SV2B: variants seen among roughly 807,000 people sequenced by gnomAD.
SV2B encodes solute carrier family 22 member B2.
A neutral mutation model predicts 73.9 loss-of-function variants in SV2B; 41 were observed. The ratio of observed to expected loss-of-function variants is 0.56; its 90% CI spans 0.43 to 0.72. SV2B has a LOEUF of 0.72. SV2B is among the 30% of genes least tolerant of loss of function. SV2B has a pLI of 0.00. For synonymous variants in SV2B, 314 were observed against 314.2 expected (o/e 1.00, Z 0.01); for missense variants, 764 against 857.8 (o/e 0.89, Z 1.37).
intron 1 of SV2B, among the ~76,000 whole-genome samples, chr15:91,211,007 G>T (rs1330795516): frequency 6.6e-6 from 1 of 152,224 alleles, no homozygotes; most frequent in Non-Finnish European, 1.5e-5. Flanking sequence ...TGCCATTGAT[G>T]AAGACAGTGA....
intron 1 of SV2B, among the ~76,000 whole-genome samples, chr15:91,119,650 G>A (rs2042271982): frequency 6.6e-6 from 1 of 152,300 alleles, no homozygotes; most frequent in Non-Finnish European, 1.5e-5. Flanking sequence ...AAATGATAAA[G>A]CTCTTCATTC....
intron 1 of SV2B, among the ~76,000 whole-genome samples, chr15:91,165,403 C>G (rs116597591): frequency 0.012 from 1,834 of 152,226 alleles, 40 homozygotes; most frequent in African/African-American, 0.042. Context: ...CTTGTCATTA[C>G]TCCCTAAACA....
intron 2 of SV2B, among the ~76,000 whole-genome samples, chr15:91,233,262 A>C (rs1021027358): frequency 3.3e-5 from 5 of 152,346 alleles, no homozygotes; most frequent in Admixed American, 1.3e-4. Context: ...ATAGGCAAGA[A>C]TCTGGGTGAC....
At chr15:91,103,407 T>G (rs562219433) in intron 1 of SV2B, among the ~76,000 whole-genome samples, 3 of 152,226 alleles carry the variant, frequency 2.0e-5, no homozygotes, top group Non-Finnish European at 4.4e-5. Context: ...TTGCTAGATA[T>G]TCTTTTTTCT....
chr15:91,246,903 T>C (rs1596678729), intron 2 of SV2B, among the ~76,000 whole-genome samples: 1 of 152,178 alleles, frequency 6.6e-6, no homozygotes, highest in Non-Finnish European at 1.5e-5. Flanking sequence ...TCTAACTAGT[T>C]CCTTATCTGC....
Position 91,252,137 on chromosome 15 carries a change from G to A in SV2B, c.632+138G>A. 1 of 1,266,696 alleles carries A rather than the reference G, an allele frequency of 7.9e-7. No individual in the cohort carries two copies. The highest frequency in any genetic ancestry group is 1.5e-5 in the South Asian group (1 of 65,398). The allele number at this position is 1,266,696 out of a possible 1,614,324, so 78.5% of individuals were successfully genotyped here. On this transcript the variant is annotated intron_variant, in intron 3 of 12. Coordinates refer to ENST00000394232, the MANE Select transcript of SV2B (RefSeq NM_001323032.3). This position sits in a 1 kb window ranked among gnomAD's most constrained non-coding sequence, Gnocchi z 4.6. ...TTGACTTTCAGGATACTATATTAAA[G>A]TTGAACCTTAGAAAGAGTTAGGGTT...
rs1188942772 is a variant in SV2B, at chr15:91,100,932, T to A, written c.-392+569T>A. On this transcript the variant is annotated intron_variant, in intron 1 of 12. Coordinates refer to ENST00000394232, the MANE Select transcript of SV2B (RefSeq NM_001323032.3). This position sits in a 1 kb window ranked among gnomAD's most constrained non-coding sequence, Gnocchi z 6.4. ...TTAGCGCAAGGGAAAGAAAATGACTTGTTTTGCAGGGATGGGCTAGCAAAT... is the reference window on the plus strand; with the variant it reads ...TTAGCGCAAGGGAAAGAAAATGACTAGTTTTGCAGGGATGGGCTAGCAAAT... 6.6e-6 allele frequency among the ~76,000 whole-genome samples: 1 copy of A among 152,122 alleles called. No homozygotes were observed. The highest frequency in any genetic ancestry group is 2.4e-5 in the African/African-American group (1 of 41,426).
At chr15:91,155,551 G>A (rs2043458695) in intron 1 of SV2B, among the ~76,000 whole-genome samples, 3 of 152,174 alleles carry the variant, frequency 2.0e-5, no homozygotes, top group Admixed American at 2.0e-4. Context: ...AGGACTTTCT[G>A]TCTGAGTCCA....
In SV2B at chr15:91,225,986, A is replaced by G. The variant is rs2046363168; in HGVS notation, c.-278A>G. The stretch of plus-strand genomic sequence containing the variant: ...ATTTCTAATCAACACTTCCCAACGC[A>G]ACACTTCTGAGTCTCTGAAGGAGAC... On this transcript the variant is annotated 5_prime_UTR_variant, in exon 2 of 13. Coordinates refer to ENST00000394232, the MANE Select transcript of SV2B (RefSeq NM_001323032.3). The G allele has an allele frequency of 2.2e-6, 1 of 453,886 alleles. No homozygotes were observed. The highest frequency in any genetic ancestry group is 2.6e-5 in the South Asian group (1 of 39,070). The allele number at this position is 453,886 out of a possible 1,614,324, so 28.1% of individuals were successfully genotyped here.
At position 91,280,009 on chromosome 15, in the gene SV2B, T is replaced by C. The variant is rs1216919577; in HGVS notation, c.1374-1719T>C. Among the ~76,000 whole-genome samples the C allele has an allele frequency of 6.6e-6, 1 of 152,200 alleles. No homozygotes were observed. The highest frequency in any genetic ancestry group is 2.4e-5 in the African/African-American group (1 of 41,450). ...CTAGACCAATGATTCTCAAATTTCT[T>C]TAAGTATAATAATCTGGTCTCTGCC... On this transcript the variant is annotated intron_variant, in intron 9 of 12. Coordinates refer to ENST00000394232, the MANE Select transcript of SV2B (RefSeq NM_001323032.3). This position sits in a 1 kb window ranked among gnomAD's most constrained non-coding sequence, Gnocchi z 5.8.
At chr15:91,247,862 G>A (rs2047303706) in intron 2 of SV2B, among the ~76,000 whole-genome samples, 1 of 152,336 alleles carries the variant, frequency 6.6e-6, no homozygotes, top group South Asian at 2.1e-4. Flanking sequence ...CTTTGGAGCT[G>A]AGGGACAATA....
At chr15:91,213,875 T>G (rs2141436229) in intron 1 of SV2B, among the ~76,000 whole-genome samples, 1 of 152,298 alleles carries the variant, frequency 6.6e-6, no homozygotes, top group African/African-American at 2.4e-5. Flanking sequence ...AATTAACAAG[T>G]TAGCAAGGAA....
At chr15:91,103,190 C>T (rs149239734) in intron 1 of SV2B, among the ~76,000 whole-genome samples, 1 of 152,118 alleles carries the variant, frequency 6.6e-6, no homozygotes, top group African/African-American at 2.4e-5. Context: ...AGAGCATAAA[C>T]GAATGCAGGA....
chr15:91,242,117 C>G lies in SV2B; in HGVS notation c.452-9702C>G, dbSNP rs1460471951. On this transcript the variant is annotated intron_variant, in intron 2 of 12. Coordinates refer to ENST00000394232, the MANE Select transcript of SV2B (RefSeq NM_001323032.3). The surrounding 1 kb of genome is among the most constrained non-coding windows in gnomAD (Gnocchi z 4.9). ...ACAGCAACTCTAACGGTTAGCCACT[C>G]TCTCCTCCTTGATGCGCTTTCTTTA... Among the ~76,000 whole-genome samples the G allele has an allele frequency of 6.6e-6, 1 of 152,218 alleles. No homozygotes were observed. The highest frequency in any genetic ancestry group is 2.4e-5 in the African/African-American group (1 of 41,462).
chr15:91,144,369 A>G (rs931837639), intron 1 of SV2B, among the ~76,000 whole-genome samples: 1 of 152,230 alleles, frequency 6.6e-6, no homozygotes, highest in African/African-American at 2.4e-5. Context: ...ACCTTGGGTA[A>G]CATGCTGCCC....
At position 91,261,724 on chromosome 15, in the gene SV2B, A is replaced by G. The variant is rs1231672403; in HGVS notation, c.1008+1315A>G. 6.6e-6 allele frequency among the ~76,000 whole-genome samples: 1 copy of G among 152,216 alleles called. No homozygotes were observed. Among genetic ancestry groups the G allele is most frequent in the East Asian group, 1.9e-4 (1 of 5,202 alleles). ...GGACCCATTTCTTTACACCCTTACC[A>G]TCAGTGGCTATTAGTCTGAATTTTG... On this transcript the variant is annotated intron_variant, in intron 6 of 12. Coordinates refer to ENST00000394232, the MANE Select transcript of SV2B (RefSeq NM_001323032.3). The surrounding 1 kb of genome is among the most constrained non-coding windows in gnomAD (Gnocchi z 4.7).
In SV2B at chr15:91,241,549, C is replaced by T. The variant is rs1202216596; in HGVS notation, c.452-10270C>T. On this transcript the variant is annotated intron_variant, in intron 2 of 12. Transcript: ENST00000394232. The surrounding 1 kb of genome is among the most constrained non-coding windows in gnomAD (Gnocchi z 4.8). ...TATTTTCCAATTTCCAGCATCTCTTCCTCATCTTCACTCTCAGATTAATAA... is the reference window on the plus strand; with the variant it reads ...TATTTTCCAATTTCCAGCATCTCTTTCTCATCTTCACTCTCAGATTAATAA... Among the ~76,000 whole-genome samples the T allele has an allele frequency of 6.6e-6, 1 of 152,000 alleles. No individual in the cohort carries two copies. Among genetic ancestry groups the T allele is most frequent in the Non-Finnish European group, 1.5e-5 (1 of 68,016 alleles).
chr15:91,177,610 C>A lies in SV2B; in HGVS notation c.-391-48263C>A, dbSNP rs1369782416. Among the ~76,000 whole-genome samples, 10 of 140,562 alleles carry A rather than the reference C, an allele frequency of 7.1e-5. No individual in the cohort carries two copies. In the East Asian group the frequency reaches 1.5e-3, roughly 22 times the overall value. 92.2% of individuals were successfully genotyped at this position (140,562 alleles called of 152,430 possible). A position where few individuals can be genotyped will look rare whatever the true frequency, so the allele number is the denominator to read the frequency against. The stretch of plus-strand genomic sequence containing the variant: ...TTCTCCTTGAAGAGGTCCTTCACGT[C>A]CCTTGTAAGTTGGATTCCTAAGTAT... On this transcript the variant is annotated intron_variant, in intron 1 of 12. Coordinates refer to ENST00000394232, the MANE Select transcript of SV2B (RefSeq NM_001323032.3).
rs543489264 is a variant in SV2B, at chr15:91,239,183, G to A, written c.451+12469G>A. 3.3e-5 allele frequency among the ~76,000 whole-genome samples: 5 copies of A among 152,146 alleles called. No homozygotes were observed. Among genetic ancestry groups the A allele is most frequent in the South Asian group, 4.2e-4 (2 of 4,818 alleles). On this transcript the variant is annotated intron_variant, in intron 2 of 12. Coordinates refer to ENST00000394232, the MANE Select transcript of SV2B (RefSeq NM_001323032.3). This position sits in a 1 kb window ranked among gnomAD's most constrained non-coding sequence, Gnocchi z 5.1. ...GCTGGATGTGAACATCCTCTTCTCC[G>A]TGTGGGCTGGCCTGGCTGCTTGAAT...
Sources: allele counts gnomAD v4.1 joint callset (sites outside exome capture counted in the v4.1 genomes callset), GRCh38; gene constraint gnomAD v4.1.1; non-coding constraint Gnocchi (gnomAD v3.1); transcripts MANE v1.5; gene names NCBI Gene and HGNC (gene_info 2026-07-23, HGNC 2026-07-21).